KIF21A: variants seen among roughly 807,000 people sequenced by gnomAD.
The protein encoded by KIF21A is kinesin-like protein KIF21A.
KIF21A carries 114 observed loss-of-function variants against 202.9 expected under a neutral mutation model. The ratio of observed to expected loss-of-function variants is 0.56; its 90% confidence interval spans 0.48 to 0.66. The LOEUF (loss-of-function observed/expected upper bound fraction) is 0.66. Ranked by LOEUF, KIF21A falls within the 30% of genes least tolerant of loss-of-function variation. The probability of loss-of-function intolerance (pLI) is 0.00; values close to 1 mark genes in which losing one functional copy is unlikely to be tolerated. For synonymous variants in KIF21A, 667 were observed against 670.8 expected (o/e 0.99, Z 0.09); for missense variants, 1,677 against 1,994.9 (o/e 0.84, Z 3.04).
chr12:39,297,472 T>TA (rs1280420518), intron 37 of KIF21A, among the ~76,000 whole-genome samples: 2 of 151,320 alleles, frequency 1.3e-5, no homozygotes, highest in Non-Finnish European at 2.9e-5. Flanking sequence ...TCATTCTCAG[T>TA]AAACTATTGC....
intron 6 of KIF21A, among the ~76,000 whole-genome samples, chr12:39,365,883 G>A (rs1221430980): frequency 1.3e-5 from 2 of 152,144 alleles, no homozygotes; most frequent in Non-Finnish European, 2.9e-5. Flanking sequence ...GGTGGCACTC[G>A]CCTGTGGTCC....
intron 16 of KIF21A, among the ~76,000 whole-genome samples, chr12:39,338,720 A>G (rs966670550): frequency 2.6e-5 from 4 of 152,216 alleles, no homozygotes; most frequent in African/African-American, 9.6e-5. Context: ...CAGCGCATAT[A>G]AAGTTATGTT....
chr12:39,364,859 G>A (rs1473687644), intron 6 of KIF21A, among the ~76,000 whole-genome samples: 1 of 152,152 alleles, frequency 6.6e-6, no homozygotes, highest in African/African-American at 2.4e-5. Flanking sequence ...CTGGGGACCA[G>A]CATGCCTTTG....
rs1946559772 is a variant in KIF21A at position 39,332,138 on chromosome 12, C to T, written c.3051+76G>A. On this transcript the variant is annotated intron_variant, in intron 21 of 37. Transcript: ENST00000361418. ...AATAGAAAATACCTTCATGTAAAAA[C>T]TGAAAGTGCTTTGAACAATAAACAA... The T allele has an allele frequency of 2.9e-6, 4 of 1,370,530 alleles. No homozygotes were observed. The South Asian group carries it at 4.7e-5, about 16-fold the overall frequency. The allele number at this position is 1,370,530 out of a possible 1,614,324, so 84.9% of individuals were successfully genotyped here. A position where few individuals can be genotyped will look rare whatever the true frequency, so the allele number is the denominator to read the frequency against.
chr12:39,382,101 T>A (rs1292431806), intron 1 of KIF21A, among the ~76,000 whole-genome samples: 1 of 152,232 alleles, frequency 6.6e-6, no homozygotes, highest in Non-Finnish European at 1.5e-5. Flanking sequence ...AATTAATAGA[T>A]GTCTGGCCTT....
In KIF21A at chr12:39,442,887, A is replaced by G; in HGVS notation, c.44+40T>C. The G allele has an allele frequency of 6.6e-7, 1 of 1,521,646 alleles. No homozygotes were observed. Among genetic ancestry groups the G allele is most frequent in the African/African-American group, 1.4e-5 (1 of 70,662 alleles). The allele number at this position is 1,521,646 out of a possible 1,614,324, so 94.3% of individuals were successfully genotyped here. ...CAGCCAGGTCCTTGCCGCGCCCTCA[A>G]CCCGCCGCCCGCCGCCCGCCGCCGG... On this transcript the variant is annotated intron_variant, in intron 1 of 37. Transcript: ENST00000361418. The surrounding 1 kb of genome is among the most constrained non-coding windows in gnomAD (Gnocchi z 5.0).
chr12:39,368,102 C>T lies in KIF21A; in HGVS notation c.451-70G>A. The T allele has an allele frequency of 3.3e-6, 3 of 905,076 alleles. No homozygotes were observed. The South Asian group carries it at 4.2e-5, about 13-fold the overall frequency. 56.1% of individuals were successfully genotyped at this position (905,076 alleles called of 1,614,324 possible). On this transcript the variant is annotated intron_variant, in intron 3 of 37. Coordinates refer to ENST00000361418, the MANE Select transcript of KIF21A (RefSeq NM_001173464.2). ...GGGTAGTTGTCATAACAACACATTA[C>T]ATAATGATTCCTTCATACAGATTTT...
At chr12:39,362,187 A>G (rs1475521875) in intron 7 of KIF21A, among the ~76,000 whole-genome samples, 3 of 152,206 alleles carry the variant, frequency 2.0e-5, no homozygotes, top group African/African-American at 7.2e-5. Context: ...TGCTTCCTGT[A>G]GAGCCTACAG....
At chr12:39,333,161 T>C (rs1946653733) in intron 18 of KIF21A, 51 bp downstream of exon 18, 1 of 1,606,784 alleles carries the variant, frequency 6.2e-7, no homozygotes. Context: ...AATACATCAT[T>C]TATCTCAAAG....
At chr12:39,345,261 C>T (rs189994660) in intron 12 of KIF21A, among the ~76,000 whole-genome samples, 116 of 152,198 alleles carry the variant, frequency 7.6e-4, no homozygotes, top group African/African-American at 2.7e-3. Flanking sequence ...TAAATGCTTC[C>T]ACACACAACT....
chr12:39,440,360 A>G lies in KIF21A; in HGVS notation c.44+2567T>C, dbSNP rs372373500. Among the ~76,000 whole-genome samples, 19 of 152,322 alleles carry G rather than the reference A, an allele frequency of 1.2e-4. No individual in the cohort carries two copies. The East Asian group carries it at 3.1e-3, about 25-fold the overall frequency. ...TCTGGGTTGGAACCCTGGCTCTCTC[A>G]TTTGTTACCAATTTAACTTTGGATG... On this transcript the variant is annotated intron_variant, in intron 1 of 37. Transcript: ENST00000361418.
intron 1 of KIF21A, among the ~76,000 whole-genome samples, chr12:39,384,949 T>C (rs1048689028): frequency 1.3e-5 from 2 of 152,146 alleles, no homozygotes; most frequent in Non-Finnish European, 2.9e-5. Context: ...GACCTTCTCA[T>C]AGTGTGTCAG....
intron 1 of KIF21A, among the ~76,000 whole-genome samples, chr12:39,378,423 A>G (rs550212639): frequency 2.3e-4 from 35 of 152,376 alleles, no homozygotes; most frequent in African/African-American, 8.4e-4. Flanking sequence ...TAAAAGTCCA[A>G]TCCTATGCAT....
chr12:39,432,512 T>G (rs1282001930), intron 1 of KIF21A, among the ~76,000 whole-genome samples: 1 of 152,244 alleles, frequency 6.6e-6, no homozygotes, highest in Non-Finnish European at 1.5e-5. Flanking sequence ...ACTGATATAT[T>G]GAATTTAATG....
intron 35 of KIF21A, among the ~76,000 whole-genome samples, chr12:39,304,087 G>A (rs1943225038): frequency 6.6e-6 from 1 of 152,042 alleles, no homozygotes. Context: ...CAGCTCCTAA[G>A]TACATAAATA....
At chr12:39,406,165 A>G (rs1048247770) in intron 1 of KIF21A, among the ~76,000 whole-genome samples, 1 of 152,156 alleles carries the variant, frequency 6.6e-6, no homozygotes, top group African/African-American at 2.4e-5. Context: ...CCTCCAAAAA[A>G]AAAAGCCAAA....
chr12:39,320,104 A>G (rs1407792957), intron 27 of KIF21A, 91 bp from the exon 28 acceptor site: 2 of 712,026 alleles, frequency 2.8e-6, no homozygotes, highest in Non-Finnish European at 2.5e-6. Flanking sequence ...TAATAGGTTA[A>G]TAACTGGAAC....
At chr12:39,377,517 T>C (rs1159466661) in intron 1 of KIF21A, among the ~76,000 whole-genome samples, 1 of 152,078 alleles carries the variant, frequency 6.6e-6, no homozygotes, top group African/African-American at 2.4e-5. Flanking sequence ...TAGAAAAGAG[T>C]TTCTGACACA....
chr12:39,359,239 A>G (rs1232912136), intron 7 of KIF21A, among the ~76,000 whole-genome samples: 1 of 152,134 alleles, frequency 6.6e-6, no homozygotes, highest in Non-Finnish European at 1.5e-5. Context: ...CCTTTTTCCT[A>G]CAACTCTTGC....
Sources: allele counts gnomAD v4.1 joint callset (sites outside exome capture counted in the v4.1 genomes callset), GRCh38; gene constraint gnomAD v4.1.1; non-coding constraint Gnocchi (gnomAD v3.1); transcripts MANE v1.5; gene names NCBI Gene and HGNC (gene_info 2026-07-23, HGNC 2026-07-21).